Variants in NCOR1 observed in about 807,000 individuals in gnomAD.
The protein encoded by NCOR1 is nuclear receptor corepressor 1, also known as protein phosphatase 1, regulatory subunit 109.
In NCOR1, 63 loss-of-function variants were observed where a neutral mutation model predicts 288.1. That is an observed-to-expected ratio of 0.22 (90% CI 0.18 to 0.27). The LOEUF (loss-of-function observed/expected upper bound fraction) is 0.27. Ranked by LOEUF, NCOR1 falls within the 10% of genes least tolerant of loss-of-function variation. The pLI is 1.00. For synonymous variants in NCOR1, 1,007 were observed against 1,065.9 expected (o/e 0.94, Z 1.08); for missense variants, 2,397 against 3,019.2 (o/e 0.79, Z 4.83).
rs1202653461 is a variant in NCOR1, at chr17:16,031,656, ACT to A, written c.*638_*639del. ...AATTTACAATATGGCAGAATTTGTT[ACT>A]TTTACCTTTTGACCCTAATGTACAG... On this transcript the variant is annotated 3_prime_UTR_variant, in exon 46 of 46. Coordinates refer to ENST00000268712, the MANE Select transcript of NCOR1 (RefSeq NM_006311.4). 4 of 226,998 alleles carry A rather than the reference ACT, an allele frequency of 1.8e-5. No homozygotes were observed. The highest frequency in any genetic ancestry group is 3.5e-5 in the Non-Finnish European group (4 of 114,190). 14.1% of individuals were successfully genotyped at this position (226,998 alleles called of 1,614,324 possible). A position where few individuals can be genotyped will look rare whatever the true frequency, so the allele number is the denominator to read the frequency against.
rs114335412 is a variant in NCOR1, at chr17:16,070,365, A to T, written c.4313T>A (p.Val1438Glu). 4 of 1,614,170 alleles carry T rather than the reference A, an allele frequency of 2.5e-6. No individual in the cohort carries two copies. Among genetic ancestry groups the T allele is most frequent in the Admixed American group, 1.7e-5 (1 of 60,020 alleles). Residue 1438 changes from valine (V) to glutamate (E), a missense_variant, in exon 31 of 46, where the codon GTG becomes GAG. Physicochemically the swap from Val to Glu is moderately radical, Grantham distance 121. Transcript: ENST00000268712. ...GGAACGCACGGTCTCGCCTGCTTTC[A>T]CATCCTCATATTTTCCCCGTTCTAC... ...KVVERGKYED[V>E]KAGETVRSRH...
rs2091566525 is a variant in NCOR1, at chr17:16,206,814, A to G, written c.-71+8548T>C. Among the ~76,000 whole-genome samples, 12 of 152,218 alleles carry G rather than the reference A, an allele frequency of 7.9e-5. No individual in the cohort carries two copies. In the South Asian group the frequency reaches 2.5e-3, roughly 31 times the overall value. ...AAGAATAGTACATTATGATCCCATA[A>G]TATAGAAAATTAGACAAACACAGAA... On this transcript the variant is annotated intron_variant, in intron 1 of 45. Coordinates refer to ENST00000268712, the MANE Select transcript of NCOR1 (RefSeq NM_006311.4).
chr17:16,165,152 A>G lies in NCOR1; in HGVS notation c.445T>C (p.Phe149Leu). Residue 149 changes from phenylalanine to leucine, a missense_variant, in exon 5 of 46, where the codon TTC (phenylalanine) becomes CTC (leucine). Around this residue, in one of 11 missense-constraint regions of NCOR1, gnomAD observed 110 missense variants for 123.2 expected, o/e 0.89. Coordinates refer to ENST00000268712, the MANE Select transcript of NCOR1 (RefSeq NM_006311.4). ...ASADAKKDPA[F>L]GGKHEAPSSP... ...GATGGAGCTTCATGTTTGCCTCCGA[A>G]TGCTGGATCCTTTAGAGAATAAAAC... The G allele has an allele frequency of 6.3e-7, 1 of 1,595,252 alleles. No individual in the cohort carries two copies. Among genetic ancestry groups the G allele is most frequent in the Non-Finnish European group, 8.5e-7 (1 of 1,175,606 alleles).
At chr17:16,046,677 G>C (rs1468656945) in intron 42 of NCOR1, among the ~76,000 whole-genome samples, 1 of 152,168 alleles carries the variant, frequency 6.6e-6, no homozygotes, top group African/African-American at 2.4e-5. Flanking sequence ...GTAAACTATG[G>C]AGAGTTAATC....
Position 16,093,109 on chromosome 17 carries a change from G to A in NCOR1, c.2821-1051C>T, listed in dbSNP as rs137982880. 1.2e-4 allele frequency among the ~76,000 whole-genome samples: 18 copies of A among 152,236 alleles called. No individual in the cohort carries two copies. In the East Asian group the frequency reaches 3.5e-3, roughly 29 times the overall value. On this transcript the variant is annotated intron_variant, in intron 21 of 45. Coordinates refer to ENST00000268712, the MANE Select transcript of NCOR1 (RefSeq NM_006311.4). The stretch of plus-strand genomic sequence containing the variant: ...TCCAAGTTCCACACTTACATAAAAT[G>A]GCCTACCTAACAACTCCACTTGGGA...
At chr17:16,177,777 G>A (rs530743692) in intron 3 of NCOR1, among the ~76,000 whole-genome samples, 1 of 152,164 alleles carries the variant, frequency 6.6e-6, no homozygotes, top group South Asian at 2.1e-4. Flanking sequence ...AAACCAGGAT[G>A]GCATAATGGG....
chr17:16,122,832 T>C (rs768946207), intron 15 of NCOR1, among the ~76,000 whole-genome samples: 1 of 152,146 alleles, frequency 6.6e-6, no homozygotes, highest in Non-Finnish European at 1.5e-5. Context: ...AGACAGGGTG[T>C]CACCATGTTG....
In NCOR1 at chr17:16,102,638, G is replaced by A. The variant is rs9747933; in HGVS notation, c.2183-881C>T. On this transcript the variant is annotated intron_variant, in intron 19 of 45. Coordinates refer to ENST00000268712, the MANE Select transcript of NCOR1 (RefSeq NM_006311.4). ...AGGCAGAGTCTCGCTCTGTCACCCA[G>A]GCTGGACTGCAGTGGTGCTTTCTTG... Among the ~76,000 whole-genome samples, 724 of 151,442 alleles carry A rather than the reference G, an allele frequency of 4.8e-3. 3 individuals are homozygous for A. Among genetic ancestry groups the A allele is most frequent in the African/African-American group, 0.017 (688 of 41,230 alleles).
At chr17:16,054,036 A>T (rs932864858) in intron 40 of NCOR1, among the ~76,000 whole-genome samples, 3 of 150,962 alleles carry the variant, frequency 2.0e-5, no homozygotes, top group African/African-American at 7.3e-5. Context: ...ATATATATAT[A>T]AAATTAACTC....
intron 42 of NCOR1, among the ~76,000 whole-genome samples, chr17:16,042,752 G>C (rs953586877): frequency 6.6e-6 from 1 of 152,190 alleles, no homozygotes; most frequent in African/African-American, 2.4e-5. Context: ...GTTAACTGTG[G>C]TAGGGAAGGA....
chr17:16,073,432 C>T lies in NCOR1; in HGVS notation c.3808G>A (p.Glu1270Lys). 6.3e-7 allele frequency: 1 copy of T among 1,599,128 alleles called. No homozygotes were observed. The highest frequency in any genetic ancestry group is 1.1e-5 in the South Asian group (1 of 88,000). ...MRESPVSAPL[E>K]GLICRALPRG... ...CATTCTGAAAACAATGCTTTACCCT[C>T]TAACGGTGCTGATACAGGAGACTCC... is the stretch of plus-strand genomic sequence containing the variant. The change falls in exon 28 of 46, where the codon GAG becomes AAG. Residue 1270 changes from glutamate to lysine, a missense_variant. Transcript: ENST00000268712.
intron 1 of NCOR1, among the ~76,000 whole-genome samples, chr17:16,205,728 G>A (rs1013807251): frequency 2.0e-5 from 3 of 150,684 alleles, no homozygotes; most frequent in Non-Finnish European, 4.4e-5. Flanking sequence ...ACCTGAGGTC[G>A]AGAGTTCGAG....
intron 45 of NCOR1, among the ~76,000 whole-genome samples, chr17:16,033,355 A>C (rs915097323): frequency 1.3e-5 from 2 of 150,716 alleles, no homozygotes; most frequent in Non-Finnish European, 3.0e-5. Context: ...AAAAAAAAAA[A>C]CCCAAAAACA....
intron 1 of NCOR1, among the ~76,000 whole-genome samples, chr17:16,210,394 A>G (rs1355637916): frequency 6.6e-6 from 1 of 152,166 alleles, no homozygotes; most frequent in African/African-American, 2.4e-5. Context: ...CAAAAATAAT[A>G]GTAATAATAA....
intron 15 of NCOR1, among the ~76,000 whole-genome samples, chr17:16,122,148 G>C (rs1280106729): frequency 6.6e-6 from 1 of 152,154 alleles, no homozygotes; most frequent in Non-Finnish European, 1.5e-5. Context: ...CCTATTAATA[G>C]CAACAGTACT....
intron 15 of NCOR1, among the ~76,000 whole-genome samples, chr17:16,125,859 TGGAATAAG>T: frequency 6.6e-6 from 1 of 150,908 alleles, no homozygotes; most frequent in African/African-American, 2.4e-5. Context: ...ATATAGAGAG[TGGAATAAG>T]AGACACTAGA....
chr17:16,207,308 T>C (rs2091627224), intron 1 of NCOR1, among the ~76,000 whole-genome samples: 1 of 152,220 alleles, frequency 6.6e-6, no homozygotes, highest in African/African-American at 2.4e-5. Flanking sequence ...TAAAACAAAT[T>C]ACTCTGAATG....
At chr17:16,093,278 C>G (rs1267233042) in intron 21 of NCOR1, among the ~76,000 whole-genome samples, 1 of 152,178 alleles carries the variant, frequency 6.6e-6, no homozygotes. Flanking sequence ...TAATTAATCT[C>G]CTCCTCTCCC....
rs537617817 is a variant in NCOR1, at chr17:16,057,204, T to C, written c.6392+310A>G. 9.9e-6 allele frequency: 3 copies of C among 303,934 alleles called. No individual in the cohort carries two copies. In the South Asian group the frequency reaches 1.1e-4, roughly 11 times the overall value. 18.8% of individuals were successfully genotyped at this position (303,934 alleles called of 1,614,324 possible). ...CATTGAGACAGATAAATATGAGAGG[T>C]ATTATTCGGAAGCACCACTGAAGTG... On this transcript the variant is annotated intron_variant, in intron 40 of 45. Coordinates refer to ENST00000268712, the MANE Select transcript of NCOR1 (RefSeq NM_006311.4).
Sources: allele counts gnomAD v4.1 joint callset (sites outside exome capture counted in the v4.1 genomes callset), GRCh38; gene constraint gnomAD v4.1.1; regional missense constraint gnomAD v4.1.1; transcripts MANE v1.5; gene names NCBI Gene and HGNC (gene_info 2026-07-23, HGNC 2026-07-21).